Variants in IQCM observed in about 807,000 individuals in gnomAD.
The protein encoded by IQCM is IQ domain-containing protein M.
IQCM carries 45 observed loss-of-function variants against 57.6 expected under a neutral mutation model. That is an observed-to-expected ratio of 0.78 (90% CI 0.62 to 1.00). IQCM has a LOEUF of 1.00. Ranked by LOEUF, IQCM falls within the 50% of genes least tolerant of loss-of-function variation. The pLI is 0.00. For missense variants in IQCM, 468 were observed against 511.6 expected, an observed-to-expected ratio of 0.91 and a Z score of 0.82; for synonymous variants, 148 against 158.9, an observed-to-expected ratio of 0.93 and a Z score of 0.51.
At chr4:149,765,024 G>T (rs541416801) in intron 2 of IQCM, among the ~76,000 whole-genome samples, 1 of 152,104 alleles carries the variant, frequency 6.6e-6, no homozygotes, top group African/African-American at 2.4e-5. Context: ...AGAGTTGACA[G>T]CGCTAGACAT....
intron 13 of IQCM, among the ~76,000 whole-genome samples, chr4:149,369,968 T>C (rs1230891193): frequency 6.6e-6 from 1 of 152,208 alleles, no homozygotes; most frequent in African/African-American, 2.4e-5. Flanking sequence ...CAATTACGGC[T>C]CACTGCAGCC....
At chr4:149,535,716 G>A (rs1375867242) in intron 12 of IQCM, among the ~76,000 whole-genome samples, 1 of 151,910 alleles carries the variant, frequency 6.6e-6, no homozygotes, top group African/African-American at 2.4e-5. Context: ...ACATAACAAT[G>A]GCACAAATAT....
chr4:149,418,207 C>T (rs1426120615), intron 13 of IQCM, among the ~76,000 whole-genome samples: 1 of 149,798 alleles, frequency 6.7e-6, no homozygotes, highest in Non-Finnish European at 1.5e-5. Flanking sequence ...ACTAGCTAGA[C>T]TAGTAAAGAA....
At chr4:149,442,405 C>T (rs1404722794) in intron 12 of IQCM, among the ~76,000 whole-genome samples, 1 of 151,792 alleles carries the variant, frequency 6.6e-6, no homozygotes, top group Non-Finnish European at 1.5e-5. Context: ...CTATAAGCAA[C>T]AACAACAAAA....
At chr4:149,464,726 G>A (rs1738664232) in intron 12 of IQCM, among the ~76,000 whole-genome samples, 1 of 152,130 alleles carries the variant, frequency 6.6e-6, no homozygotes, top group Admixed American at 6.6e-5. Context: ...ACAGAACTTT[G>A]TGGAATGATG....
chr4:149,476,097 G>A (rs1455866074), intron 12 of IQCM, among the ~76,000 whole-genome samples: 1 of 151,996 alleles, frequency 6.6e-6, no homozygotes, highest in Admixed American at 6.6e-5. Context: ...TGGAGAGAGA[G>A]ATGAAAATTA....
At chr4:149,511,286 A>G (rs1347559975) in intron 12 of IQCM, among the ~76,000 whole-genome samples, 2 of 152,088 alleles carry the variant, frequency 1.3e-5, no homozygotes, top group African/African-American at 2.4e-5. Flanking sequence ...TGGGAGGCCA[A>G]GGCAGGTGGA....
At chr4:149,470,719 G>A (rs534442364) in intron 12 of IQCM, among the ~76,000 whole-genome samples, 65 of 152,146 alleles carry the variant, frequency 4.3e-4, no homozygotes, top group Admixed American at 1.2e-3. Flanking sequence ...CCACATAGTC[G>A]GAAGTAAAGC....
intron 2 of IQCM, 27 bp downstream of exon 2, chr4:149,815,284 A>T (rs1774950890): frequency 6.6e-6 from 1 of 151,992 alleles, no homozygotes; most frequent in South Asian, 2.1e-4. Flanking sequence ...TTATATACAG[A>T]CAACGTGGTA....
At chr4:149,374,598 A>G (rs1008143900) in intron 13 of IQCM, among the ~76,000 whole-genome samples, 1 of 152,204 alleles carries the variant, frequency 6.6e-6, no homozygotes, top group East Asian at 1.9e-4. Flanking sequence ...AGAAAAAGAA[A>G]TTCTAGAAAT....
At chr4:149,606,616 A>G (rs1409636558) in intron 8 of IQCM, among the ~76,000 whole-genome samples, 2 of 152,226 alleles carry the variant, frequency 1.3e-5, no homozygotes, top group African/African-American at 4.8e-5. Flanking sequence ...CCTTTTAGAC[A>G]GGGAATTCAA....
intron 8 of IQCM, among the ~76,000 whole-genome samples, chr4:149,601,396 T>C (rs1251651454): frequency 1.3e-5 from 2 of 152,116 alleles, no homozygotes; most frequent in Non-Finnish European, 2.9e-5. Context: ...AACAAAACAG[T>C]TGTGCTACCA....
intron 8 of IQCM, among the ~76,000 whole-genome samples, chr4:149,601,672 A>G (rs1754306223): frequency 6.6e-6 from 1 of 152,312 alleles, no homozygotes; most frequent in South Asian, 2.1e-4. Context: ...TTAGTATACT[A>G]CTACATTTTA....
chr4:149,719,760 A>G (rs750715000), intron 5 of IQCM, among the ~76,000 whole-genome samples: 5 of 152,212 alleles, frequency 3.3e-5, no homozygotes, highest in Non-Finnish European at 7.3e-5. Flanking sequence ...CACTGTGGCC[A>G]AGAGAATAAT....
At chr4:149,558,271 G>T (rs1749775429) in intron 10 of IQCM, among the ~76,000 whole-genome samples, 4 of 152,136 alleles carry the variant, frequency 2.6e-5, no homozygotes, top group Admixed American at 2.0e-4. Flanking sequence ...AAATCTATGG[G>T]TGGTGGCAGG....
At chr4:149,649,876 A>C (rs1758997466) in intron 7 of IQCM, among the ~76,000 whole-genome samples, 1 of 152,178 alleles carries the variant, frequency 6.6e-6, no homozygotes, top group Non-Finnish European at 1.5e-5. Context: ...AAATATAGAC[A>C]CAGTATTAAA....
chr4:149,458,645 G>A (rs1007276091), intron 12 of IQCM, among the ~76,000 whole-genome samples: 9 of 151,736 alleles, frequency 5.9e-5, no homozygotes, highest in African/African-American at 2.2e-4. Flanking sequence ...AGATTAAAAA[G>A]GAGAAATCCT....
intron 8 of IQCM, among the ~76,000 whole-genome samples, chr4:149,615,997 G>C (rs1755758953): frequency 6.6e-6 from 1 of 152,138 alleles, no homozygotes; most frequent in African/African-American, 2.4e-5. Context: ...GTGCATTGCT[G>C]GTGGGAAGGT....
intron 13 of IQCM, among the ~76,000 whole-genome samples, chr4:149,361,221 A>G (rs951598501): frequency 2.0e-4 from 31 of 152,216 alleles, no homozygotes; most frequent in African/African-American, 6.5e-4. Context: ...TGACTTGGGT[A>G]CTGTTAGAGG....
Sources: allele counts gnomAD v4.1 joint callset (sites outside exome capture counted in the v4.1 genomes callset), GRCh38; gene constraint gnomAD v4.1.1; transcripts MANE v1.5; gene names NCBI Gene and HGNC (gene_info 2026-07-23, HGNC 2026-07-21).